Variants in MAP7 observed in about 807,000 individuals in gnomAD.
MAP7 encodes the protein microtubule associated protein 7.
MAP7 carries 52 observed loss-of-function variants against 94.8 expected under a neutral mutation model. The observed-to-expected ratio is 0.55, with a 90% CI of 0.44 to 0.69. The LOEUF is 0.69. Among genes scored for constraint, MAP7 ranks in the 30% least tolerant of loss-of-function variants. The pLI, the probability that MAP7 is intolerant of heterozygous loss-of-function variation, is 0.00. For synonymous variants in MAP7, 350 were observed against 357.0 expected (o/e 0.98, Z 0.22); for missense variants, 940 against 964.6 (o/e 0.97, Z 0.34).
At chr6:136,458,742 C>A (rs189587443) in intron 1 of MAP7, among the ~76,000 whole-genome samples, 1 of 152,044 alleles carries the variant, frequency 6.6e-6, no homozygotes, top group Admixed American at 6.6e-5. Context: ...TAGACCTATA[C>A]ACAAAAATCA....
intron 7 of MAP7, among the ~76,000 whole-genome samples, chr6:136,377,264 T>G (rs575033869): frequency 2.6e-5 from 4 of 152,340 alleles, no homozygotes; most frequent in African/African-American, 9.6e-5. Flanking sequence ...CTGAGAGTTC[T>G]GGAAGGGTAC....
At chr6:136,545,764 T>A (rs59865037) in intron 1 of MAP7, among the ~76,000 whole-genome samples, 1 of 135,054 alleles carries the variant, frequency 7.4e-6, no homozygotes, top group Non-Finnish European at 1.5e-5. Context: ...ACAAATTTAA[T>A]TTTTTTTTAT....
chr6:136,496,775 A>C (rs1210040719), intron 1 of MAP7, among the ~76,000 whole-genome samples: 1 of 117,842 alleles, frequency 8.5e-6, no homozygotes, highest in Non-Finnish European at 1.7e-5. Context: ...CCCCGTCTCT[A>C]CTAAAAAAAA....
chr6:136,456,822 G>GAAGAAGAAGAAGAAGAAGGAA lies in MAP7; in HGVS notation c.68-35024_68-35023insTTCCTTCTTCTTCTTCTTCTT, dbSNP rs1554259490. Among the ~76,000 whole-genome samples the GAAGAAGAAGAAGAAGAAGGAA allele has an allele frequency of 2.9e-4, 20 of 69,032 alleles. 1 individual carries two copies. The highest frequency in any genetic ancestry group is 1.3e-3 in the South Asian group (2 of 1,510). 45.3% of individuals were successfully genotyped at this position (69,032 alleles called of 152,430 possible). On this transcript the variant is annotated intron_variant, in intron 1 of 17. Coordinates refer to ENST00000354570, the MANE Select transcript of MAP7 (RefSeq NM_003980.6). ...AGAAGAAGAAGAAGAAGAAGAAGAA[G>GAAGAAGAAGAAGAAGAAGGAA]GAAGAAGAAGAAGAAGAAGAAGAAG...
rs138896793 is a variant in MAP7, at chr6:136,550,216, T to C, written c.67+126A>G. Reference sequence around the variant, plus strand: ...GGTGCGCGGCGCGCAGGGCCGGTTGTTCCGGGCCGCGGCCGCGCGGGCGGG... The same window carrying C: ...GGTGCGCGGCGCGCAGGGCCGGTTGCTCCGGGCCGCGGCCGCGCGGGCGGG... On this transcript the variant is annotated intron_variant, in intron 1 of 17. Coordinates refer to ENST00000354570, the MANE Select transcript of MAP7 (RefSeq NM_003980.6). This position sits in a 1 kb window ranked among gnomAD's most constrained non-coding sequence, Gnocchi z 5.1. The C allele has an allele frequency of 0.13, 104,068 of 780,352 alleles. 7,387 individuals are homozygous for C. Among genetic ancestry groups the C allele is most frequent in the Non-Finnish European group, 0.15 (85,326 of 583,670 alleles). 48.3% of individuals were successfully genotyped at this position (780,352 alleles called of 1,614,324 possible). A position where few individuals can be genotyped will look rare whatever the true frequency, so the allele number is the denominator to read the frequency against.
At chr6:136,454,956 G>A (rs536303652) in intron 1 of MAP7, among the ~76,000 whole-genome samples, 1 of 152,180 alleles carries the variant, frequency 6.6e-6, no homozygotes, top group East Asian at 1.9e-4. Flanking sequence ...TACTTGAGAT[G>A]TTAAATTTGG....
chr6:136,366,741 A>C (rs541887754), intron 8 of MAP7, among the ~76,000 whole-genome samples: 1 of 152,338 alleles, frequency 6.6e-6, no homozygotes, highest in Non-Finnish European at 1.5e-5. Flanking sequence ...AAAATTAATT[A>C]CCTGAAGCAA....
intron 1 of MAP7, among the ~76,000 whole-genome samples, chr6:136,507,257 T>C (rs1290274834): frequency 1.3e-5 from 2 of 151,984 alleles, no homozygotes; most frequent in East Asian, 3.9e-4. Context: ...GGATACCTCA[T>C]GTGAATTTAA....
chr6:136,374,774 A>C (rs1341555598), intron 7 of MAP7, among the ~76,000 whole-genome samples: 1 of 152,192 alleles, frequency 6.6e-6, no homozygotes, highest in Non-Finnish European at 1.5e-5. Context: ...TAGTCCAAAG[A>C]ACATCTTTTG....
In MAP7 at chr6:136,381,877, T is replaced by TACACAC. The variant is rs1156527948; in HGVS notation, c.637+1788_637+1793dup. Among the ~76,000 whole-genome samples, 233 of 93,012 alleles carry TACACAC rather than the reference T, an allele frequency of 2.5e-3. 3 individuals carry two copies. The highest frequency in any genetic ancestry group is 8.0e-3 in the African/African-American group (169 of 21,060). 61.0% of individuals were successfully genotyped at this position (93,012 alleles called of 152,430 possible). On this transcript the variant is annotated intron_variant, in intron 6 of 17. Coordinates refer to ENST00000354570, the MANE Select transcript of MAP7 (RefSeq NM_003980.6). ...CTCTACTCCTTACCACTTCTAACCT[T>TACACAC]ACACACACACACACACACACACACA... is the stretch of plus-strand genomic sequence containing the variant.
intron 1 of MAP7, among the ~76,000 whole-genome samples, chr6:136,422,998 A>G (rs1791867984): frequency 6.6e-6 from 1 of 152,350 alleles, no homozygotes; most frequent in African/African-American, 2.4e-5. Flanking sequence ...GGCCTCTCTA[A>G]GTAGGTCACA....
rs1310184740 is a variant in MAP7 at position 136,356,747 on chromosome 6, GC to G, written c.1959del (p.Lys653AsnfsTer16). On this transcript the variant is annotated frameshift_variant, in exon 16 of 18. Transcript: ENST00000354570. LOFTEE classifies it high-confidence loss of function. ...PCTTNAPGNG[K>X]PVGSPHVVTS... is the part of the protein sequence containing the mutation. ...GTAACCACATGTGGGCTGCCAACTG[GC>G]TTTCCATTTCCCGGAGCGTTTGTTG... 6.2e-6 allele frequency: 10 copies of G among 1,614,022 alleles called. No individual in the cohort carries two copies. Among genetic ancestry groups the G allele is most frequent in the Non-Finnish European group, 8.5e-6 (10 of 1,180,030 alleles).
intron 1 of MAP7, among the ~76,000 whole-genome samples, chr6:136,465,118 G>A (rs768892108): frequency 1.1e-4 from 16 of 152,124 alleles, no homozygotes; most frequent in Non-Finnish European, 1.9e-4. Flanking sequence ...AGTGTGCAGA[G>A]GACAGCTCCC....
At position 136,360,253 on chromosome 6, in the gene MAP7, A is replaced by G. The variant is rs565631719; in HGVS notation, c.1804-222T>C. 2.0e-5 allele frequency among the ~76,000 whole-genome samples: 3 copies of G among 151,764 alleles called. No homozygotes were observed. In the East Asian group the frequency reaches 5.9e-4, roughly 30 times the overall value. ...ACTGTAGCCTCTGCCTCCTGGGCGC[A>G]AGCTGCCTCAGTCTCCCAGGTAGCT... On this transcript the variant is annotated intron_variant, in intron 13 of 17. Coordinates refer to ENST00000354570, the MANE Select transcript of MAP7 (RefSeq NM_003980.6).
intron 1 of MAP7, among the ~76,000 whole-genome samples, chr6:136,545,809 T>C (rs1583167680): frequency 6.6e-6 from 1 of 152,166 alleles, no homozygotes; most frequent in South Asian, 2.1e-4. Context: ...TATATTTATA[T>C]GGTACATGAA....
chr6:136,444,854 T>C (rs1798855810), intron 1 of MAP7, among the ~76,000 whole-genome samples: 5 of 152,226 alleles, frequency 3.3e-5, no homozygotes, highest in African/African-American at 9.6e-5. Flanking sequence ...TTAATCATGC[T>C]ACTTGAAGCT....
At chr6:136,540,842 C>T (rs945259285) in intron 1 of MAP7, among the ~76,000 whole-genome samples, 11 of 152,190 alleles carry the variant, frequency 7.2e-5, no homozygotes, top group Admixed American at 5.2e-4. Context: ...ACCTTGGATG[C>T]CACCTGGGCA....
intron 1 of MAP7, among the ~76,000 whole-genome samples, chr6:136,497,370 G>C (rs1818567634): frequency 6.6e-6 from 1 of 151,906 alleles, no homozygotes; most frequent in Non-Finnish European, 1.5e-5. Context: ...GTGTAAATTG[G>C]TAGTTTATCT....
Position 136,361,002 on chromosome 6 carries a change from C to G in MAP7, c.1701+3G>C. ...CCGGGGCCAGGGTGGGGTGCGGCCG[C>G]ACCTGCCTCTGGGCGCGCTCTGCCT... On this transcript the variant is annotated splice_donor_region_variant and intron_variant, in intron 12 of 17. Coordinates refer to ENST00000354570, the MANE Select transcript of MAP7 (RefSeq NM_003980.6). 1.3e-6 allele frequency: 2 copies of G among 1,565,256 alleles called. No individual in the cohort carries two copies. The highest frequency in any genetic ancestry group is 1.7e-6 in the Non-Finnish European group (2 of 1,162,684).
Sources: allele counts gnomAD v4.1 joint callset (sites outside exome capture counted in the v4.1 genomes callset), GRCh38; gene constraint gnomAD v4.1.1; non-coding constraint Gnocchi (gnomAD v3.1); transcripts MANE v1.5; gene names NCBI Gene and HGNC (gene_info 2026-07-23, HGNC 2026-07-21).